IGF2BP2: variants seen among roughly 807,000 people sequenced by gnomAD.
IGF2BP2 encodes insulin like growth factor 2 mRNA binding protein 2, also known as insulin-like growth factor 2 mRNA-binding protein 2.
IGF2BP2 carries 17 observed loss-of-function variants against 75.8 expected under a neutral mutation model. The observed-to-expected ratio is 0.22, with a 90% CI of 0.15 to 0.34. IGF2BP2 has a LOEUF of 0.34. Among genes scored for constraint, IGF2BP2 ranks in the 10% least tolerant of loss-of-function variants. The pLI, the probability that IGF2BP2 is intolerant of heterozygous loss-of-function variation, is 1.00. For synonymous variants in IGF2BP2, 288 were observed against 295.6 expected, an observed-to-expected ratio of 0.97 and a Z score of 0.26; for missense variants, 516 against 772.4, an observed-to-expected ratio of 0.67 and a Z score of 3.93.
At chr3:185,766,216 A>G (rs1733030756) in intron 2 of IGF2BP2, among the ~76,000 whole-genome samples, 2 of 152,248 alleles carry the variant, frequency 1.3e-5, no homozygotes, top group African/African-American at 4.8e-5. Flanking sequence ...GAATAGCAAT[A>G]AAACTATTTA....
intron 10 of IGF2BP2, among the ~76,000 whole-genome samples, chr3:185,665,335 GAGGAGGAGA>G (rs1717228382): frequency 3.8e-5 from 5 of 129,942 alleles, no homozygotes; most frequent in East Asian, 2.5e-4. Flanking sequence ...GGAGGAGGAG[GAGGAGGAGA>G]AGGAGGAGGA....
At chr3:185,742,153 C>T (rs1212671293) in intron 2 of IGF2BP2, among the ~76,000 whole-genome samples, 1 of 150,218 alleles carries the variant, frequency 6.7e-6, no homozygotes, top group Non-Finnish European at 1.5e-5. Context: ...AAGTTTGAGA[C>T]CAGTCTGGGC....
rs899276023 is a variant in IGF2BP2 at position 185,670,561 on chromosome 3, A to AATTT, written c.1200+1976_1200+1979dup. On this transcript the variant is annotated intron_variant, in intron 10 of 15. Coordinates refer to ENST00000382199, the MANE Select transcript of IGF2BP2 (RefSeq NM_006548.6). ...GCTGACTCCTATATTTGAGATTACC[A>AATTT]ATTTATTTATTTATTTATTTATTTT... Among the ~76,000 whole-genome samples, 33 of 152,036 alleles carry AATTT rather than the reference A, an allele frequency of 2.2e-4. No individual in the cohort carries two copies. The East Asian group carries it at 3.3e-3, about 15-fold the overall frequency.
intron 15 of IGF2BP2, chr3:185,646,743 C>A (rs947552136): frequency 2.3e-6 from 1 of 434,802 alleles, no homozygotes; most frequent in African/African-American, 2.0e-5. Flanking sequence ...CCCTTAAACA[C>A]TGCAGGGGGC....
chr3:185,719,840 G>T (rs1304183082), intron 2 of IGF2BP2, among the ~76,000 whole-genome samples: 1 of 151,656 alleles, frequency 6.6e-6, no homozygotes, highest in Non-Finnish European at 1.5e-5. Flanking sequence ...TCTCAAAAAA[G>T]AAAGGAAGGA....
intron 7 of IGF2BP2, among the ~76,000 whole-genome samples, chr3:185,677,068 T>TAGAGAGAGAGAGAGAGAG (rs71164535): frequency 2.2e-4 from 8 of 35,856 alleles, no homozygotes; most frequent in South Asian, 1.1e-3. Flanking sequence ...TATATATATA[T>TAGAGAGAGAGAGAGAGAG]AGAGAGAGAG....
intron 10 of IGF2BP2, among the ~76,000 whole-genome samples, chr3:185,665,374 A>AAGG (rs1246928288): frequency 1.8e-5 from 1 of 57,090 alleles, no homozygotes; most frequent in African/African-American, 6.7e-5. Flanking sequence ...GGAGGAGGAG[A>AAGG]AGGAGGAGGA....
chr3:185,688,998 T>C, intron 6 of IGF2BP2: 1 of 192,870 alleles, frequency 5.2e-6, no homozygotes. Context: ...CCCAGGGCTC[T>C]GACTCAGGGG....
intron 2 of IGF2BP2, among the ~76,000 whole-genome samples, chr3:185,772,669 C>A (rs1192167619): frequency 6.6e-6 from 1 of 150,882 alleles, no homozygotes; most frequent in Non-Finnish European, 1.5e-5. Flanking sequence ...GCAAACTCTG[C>A]CTCCCAGATT....
intron 10 of IGF2BP2, among the ~76,000 whole-genome samples, chr3:185,670,638 A>G (rs1718367140): frequency 6.6e-6 from 1 of 152,088 alleles, no homozygotes; most frequent in Non-Finnish European, 1.5e-5. Flanking sequence ...CCACGATCTC[A>G]GCTCACCGTA....
chr3:185,677,066 TATAGAGAGAGAG>T (rs1248700053), intron 7 of IGF2BP2, among the ~76,000 whole-genome samples: 26 of 38,382 alleles, frequency 6.8e-4, no homozygotes, highest in African/African-American at 3.3e-3. Flanking sequence ...TATATATATA[TATAGAGAGAGAG>T]AGAGAGAGAG....
intron 7 of IGF2BP2, among the ~76,000 whole-genome samples, chr3:185,677,066 TATAGAGAGAG>T (rs1310953818): frequency 1.0e-4 from 4 of 38,412 alleles, no homozygotes; most frequent in Admixed American, 8.6e-4. Flanking sequence ...TATATATATA[TATAGAGAGAG>T]AGAGAGAGAG....
chr3:185,703,515 A>T (rs1156612472), intron 2 of IGF2BP2, among the ~76,000 whole-genome samples: 1 of 148,646 alleles, frequency 6.7e-6, no homozygotes, highest in African/African-American at 2.5e-5. Flanking sequence ...CTGTATTATT[A>T]AAAAAAAAAG....
chr3:185,701,058 A>C (rs1723223177), intron 2 of IGF2BP2, among the ~76,000 whole-genome samples: 1 of 152,196 alleles, frequency 6.6e-6, no homozygotes, highest in African/African-American at 2.4e-5. Flanking sequence ...TAGTTGGTAA[A>C]AGAATACTTT....
At chr3:185,743,713 C>G (rs1461106150) in intron 2 of IGF2BP2, among the ~76,000 whole-genome samples, 1 of 152,180 alleles carries the variant, frequency 6.6e-6, no homozygotes, top group Non-Finnish European at 1.5e-5. Flanking sequence ...TATGACCAAT[C>G]CATTGCCTCT....
intron 2 of IGF2BP2, among the ~76,000 whole-genome samples, chr3:185,769,812 A>G (rs1733622458): frequency 6.9e-6 from 1 of 145,098 alleles, no homozygotes; most frequent in Admixed American, 6.9e-5. Flanking sequence ...CCTGGATGAT[A>G]GAATGAGACC....
At chr3:185,741,965 C>A (rs1171209691) in intron 2 of IGF2BP2, among the ~76,000 whole-genome samples, 1 of 152,128 alleles carries the variant, frequency 6.6e-6, no homozygotes, top group African/African-American at 2.4e-5. Flanking sequence ...CAACCACTTA[C>A]ACTAAAAATG....
chr3:185,724,294 C>G (rs1279010120), intron 2 of IGF2BP2: 1 of 152,242 alleles, frequency 6.6e-6, no homozygotes, highest in Admixed American at 6.5e-5. Flanking sequence ...AATCAGCCAA[C>G]AACAGTCTTG....
chr3:185,788,764 G>A (rs903737787), intron 2 of IGF2BP2, among the ~76,000 whole-genome samples: 9 of 145,580 alleles, frequency 6.2e-5, no homozygotes, highest in African/African-American at 2.3e-4. Context: ...GCCCAGGCTG[G>A]AGCGCAGTGG....
Sources: allele counts gnomAD v4.1 joint callset (sites outside exome capture counted in the v4.1 genomes callset), GRCh38; gene constraint gnomAD v4.1.1; transcripts MANE v1.5; gene names NCBI Gene and HGNC (gene_info 2026-07-23, HGNC 2026-07-21).